The following APBB2 variants were observed in gnomAD, a reference collection of about 807,000 sequenced individuals.
APBB2 encodes Fe65-like 1.
APBB2 carries 38 observed loss-of-function variants against 82.5 expected under a neutral mutation model. The ratio of observed to expected loss-of-function variants is 0.46; its 90% CI spans 0.36 to 0.60. The LOEUF (loss-of-function observed/expected upper bound fraction) is 0.60. Among genes scored for constraint, APBB2 ranks in the 20% least tolerant of loss-of-function variants. The pLI is 0.00. For synonymous variants in APBB2, 341 were observed against 368.2 expected, an observed-to-expected ratio of 0.93 and a Z score of 0.85; for missense variants, 772 against 972.3, an observed-to-expected ratio of 0.79 and a Z score of 2.74.
At chr4:40,928,023 TA>T in intron 10 of APBB2, among the ~76,000 whole-genome samples, 2 of 152,296 alleles carry the variant, frequency 1.3e-5, no homozygotes, top group African/African-American at 4.8e-5. Context: ...TCTAAGATAT[TA>T]AAGTAACATG....
intron 1 of APBB2, chr4:41,193,448 T>C (rs1775012694): frequency 3.0e-6 from 1 of 331,082 alleles, no homozygotes; most frequent in African/African-American, 2.2e-5. Context: ...TCACAGCTGG[T>C]GACAAAGCTA....
At chr4:40,878,174 C>T (rs1302776972) in intron 12 of APBB2, among the ~76,000 whole-genome samples, 1 of 151,998 alleles carries the variant, frequency 6.6e-6, no homozygotes, top group Non-Finnish European at 1.5e-5. Context: ...TGGCAAAACC[C>T]CATCTCTACT....
chr4:40,845,588 C>CAAAAAAAAAAAAAAAAAAAAAA lies in APBB2; in HGVS notation c.1530-15033_1530-15012dup, dbSNP rs71198606. On this transcript the variant is annotated intron_variant, in intron 12 of 17. Coordinates refer to ENST00000508593, the MANE Select transcript of APBB2 (RefSeq NM_004307.2). ...GAATCCAAATGAAAAGGAAATTCCT[C>CAAAAAAAAAAAAAAAAAAAAAA]AAAAAAAAAAAAAAAAAAAAAAAAA... Among the ~76,000 whole-genome samples the CAAAAAAAAAAAAAAAAAAAAAA allele has an allele frequency of 1.2e-4, 7 of 56,482 alleles. 1 individual carries two copies. The highest frequency in any genetic ancestry group is 2.5e-4 in the Admixed American group (1 of 3,926). The allele number at this position is 56,482 out of a possible 152,430, so 37.1% of individuals were successfully genotyped here. A position where few individuals can be genotyped will look rare whatever the true frequency, so the allele number is the denominator to read the frequency against.
At chr4:40,913,438 C>T (rs1033072177) in intron 10 of APBB2, among the ~76,000 whole-genome samples, 2 of 152,212 alleles carry the variant, frequency 1.3e-5, no homozygotes, top group Non-Finnish European at 2.9e-5. Context: ...TGAGTCCACT[C>T]GGAATAATGC....
chr4:41,071,459 T>C (rs1733846679), intron 3 of APBB2, among the ~76,000 whole-genome samples: 1 of 152,172 alleles, frequency 6.6e-6, no homozygotes, highest in African/African-American at 2.4e-5. Flanking sequence ...GGCAGGCAGA[T>C]TACCTGAGGT....
rs191230264 is a variant in APBB2, at chr4:40,904,201, C to T, written c.1255-10790G>A. 1.4e-3 allele frequency among the ~76,000 whole-genome samples: 216 copies of T among 152,094 alleles called. 1 individual carries two copies. Among genetic ancestry groups the T allele is most frequent in the Non-Finnish European group, 2.4e-3 (162 of 67,990 alleles). On this transcript the variant is annotated intron_variant, in intron 10 of 17. Transcript: ENST00000508593. The stretch of plus-strand genomic sequence containing the variant: ...ATCCCAGCACTTTGGGAGGCTGAGG[C>T]GGGCAGATCACTTGAGGTCAGGAGT...
intron 6 of APBB2, among the ~76,000 whole-genome samples, chr4:40,955,078 G>A (rs1412272012): frequency 1.3e-5 from 2 of 152,238 alleles, no homozygotes; most frequent in African/African-American, 2.4e-5. Context: ...TCCTATAAAC[G>A]CCAAATATTA....
intron 6 of APBB2, among the ~76,000 whole-genome samples, chr4:41,010,161 A>G (rs1807917381): frequency 6.6e-6 from 1 of 152,224 alleles, no homozygotes; most frequent in Non-Finnish European, 1.5e-5. Context: ...AACATGCTGA[A>G]GCAGGTGCAG....
chr4:40,922,377 G>A (rs1314079897), intron 10 of APBB2, among the ~76,000 whole-genome samples: 2 of 152,200 alleles, frequency 1.3e-5, no homozygotes, highest in Non-Finnish European at 2.9e-5. Context: ...TGAATCTACT[G>A]CAGACTGCTG....
Position 40,816,103 on chromosome 4 carries a change from C to T in APBB2, c.2269G>A (p.Glu757Lys), listed in dbSNP as rs547775361. 3.6e-5 allele frequency: 58 copies of T among 1,613,222 alleles called. No homozygotes were observed. In the South Asian group the frequency reaches 4.1e-4, roughly 11 times the overall value. ...TTTTGCATGTGCAGCTATGGCATTT[C>T]GGTGACAGGGCGTTTCTGTTTCAAA... The part of the protein sequence containing the change: ...DTLKQKRPVT[E>K]MP The change falls in exon 18 of 18, where the codon GAA (glutamate) becomes AAA (lysine). Residue 757 changes from glutamate (E) to lysine (K), a missense_variant. Glu to Lys is a moderately conservative substitution (Grantham distance 56). Coordinates refer to ENST00000508593, the MANE Select transcript of APBB2 (RefSeq NM_004307.2).
intron 6 of APBB2, among the ~76,000 whole-genome samples, chr4:40,964,753 A>AACACACACACACAC (rs61087697): frequency 0.19 from 26,964 of 139,644 alleles, 2,694 homozygotes; most frequent in East Asian, 0.35. Context: ...CCATTGAATA[A>AACACACACACACAC]ACACACACAC....
rs144733703 is a variant in APBB2, at chr4:41,055,380, C to T, written c.-51+10196G>A. Among the ~76,000 whole-genome samples the T allele has an allele frequency of 1.1e-4, 16 of 152,310 alleles. 1 individual carries two copies. Among genetic ancestry groups the T allele is most frequent in the African/African-American group, 2.9e-4 (12 of 41,568 alleles). ...AGAACAAATAGAAGTGCTATGGGAG[C>T]GGAGACCTCATCTACCTTTTCACTG... is the stretch of plus-strand genomic sequence containing the variant. On this transcript the variant is annotated intron_variant, in intron 4 of 17. Coordinates refer to ENST00000508593, the MANE Select transcript of APBB2 (RefSeq NM_004307.2).
At chr4:40,824,876 C>T (rs1749339801) in intron 15 of APBB2, among the ~76,000 whole-genome samples, 1 of 152,156 alleles carries the variant, frequency 6.6e-6, no homozygotes, top group Non-Finnish European at 1.5e-5. Context: ...TTCCCCCACT[C>T]CCCAGACCCC....
chr4:40,907,061 C>A (rs1044632629), intron 10 of APBB2, among the ~76,000 whole-genome samples: 4 of 152,044 alleles, frequency 2.6e-5, no homozygotes, highest in Non-Finnish European at 2.9e-5. Context: ...AAGGACTCAG[C>A]TAGAGACTTC....
chr4:41,098,088 C>T (rs144035689), intron 3 of APBB2, among the ~76,000 whole-genome samples: 1 of 151,198 alleles, frequency 6.6e-6, no homozygotes, highest in Non-Finnish European at 1.5e-5. Context: ...GTGCAGTACA[C>T]TTCTGCATTA....
At chr4:40,883,478 T>C (rs529755197) in intron 12 of APBB2, among the ~76,000 whole-genome samples, 2 of 151,900 alleles carry the variant, frequency 1.3e-5, no homozygotes, top group Non-Finnish European at 2.9e-5. Flanking sequence ...TCCCAGCTAC[T>C]TGGGAGGCTG....
chr4:40,992,361 T>TAG (rs1553899618), intron 6 of APBB2, among the ~76,000 whole-genome samples: 1 of 139,300 alleles, frequency 7.2e-6, no homozygotes, highest in Non-Finnish European at 1.6e-5. Context: ...TTGGTAGAGA[T>TAG]GGGGGGGGGT....
intron 5 of APBB2, among the ~76,000 whole-genome samples, chr4:41,017,753 T>C (rs1810419055): frequency 6.6e-6 from 1 of 152,160 alleles, no homozygotes; most frequent in Non-Finnish European, 1.5e-5. Context: ...TCTGAGTGAT[T>C]GAAATGGTCT....
chr4:40,811,402 A>AAAT lies in APBB2; in HGVS notation c.*4687_*4689dup, dbSNP rs1374667418. 6.6e-6 allele frequency: 1 copy of AAAT among 152,112 alleles called. No individual in the cohort carries two copies. The allele number at this position is 152,112 out of a possible 1,614,324, so 9.4% of individuals were successfully genotyped here. ...AACCCTGTCTCTACTAAAAATATAC[A>AAAT]AATTGGCCAGGCGTGGCGGTGCATG... On this transcript the variant is annotated 3_prime_UTR_variant, in exon 18 of 18. Coordinates refer to ENST00000508593, the MANE Select transcript of APBB2 (RefSeq NM_004307.2).
Sources: allele counts gnomAD v4.1 joint callset (sites outside exome capture counted in the v4.1 genomes callset), GRCh38; gene constraint gnomAD v4.1.1; transcripts MANE v1.5; gene names NCBI Gene and HGNC (gene_info 2026-07-23, HGNC 2026-07-21).